ALDH2: variants seen among roughly 807,000 people sequenced by gnomAD.
ALDH2 encodes aldehyde dehydrogenase 2 family member.
Under a neutral mutation model 59.6 loss-of-function variants are expected in ALDH2, and 44 were observed. That is an observed-to-expected ratio of 0.74 (90% CI 0.58 to 0.95). The LOEUF is 0.95. Among genes scored for constraint, ALDH2 ranks in the 40% least tolerant of loss-of-function variants. The pLI is 0.00. For missense variants in ALDH2, 570 were observed against 696.3 expected (o/e 0.82, Z 2.04); for synonymous variants, 291 against 284.0 (o/e 1.02, Z -0.25).
At chr12:111,775,648 A>C (rs1396666044) in intron 1 of ALDH2, 1 of 455,910 alleles carries the variant, frequency 2.2e-6, no homozygotes, top group South Asian at 1.5e-5. Context: ...GTGCTTCTGG[A>C]AACTATAAAG....
intron 11 of ALDH2, among the ~76,000 whole-genome samples, chr12:111,802,919 G>A (rs1438736364): frequency 6.0e-5 from 9 of 148,996 alleles, no homozygotes; most frequent in South Asian, 2.1e-4. Context: ...TAGGCCAAGC[G>A]TGGTGGCTCA....
At chr12:111,805,892 A>G (rs2068489770) in intron 12 of ALDH2, among the ~76,000 whole-genome samples, 1 of 151,602 alleles carries the variant, frequency 6.6e-6, no homozygotes, top group Non-Finnish European at 1.5e-5. Flanking sequence ...GCGTGGCGGC[A>G]CATGCCTGTA....
intron 12 of ALDH2, among the ~76,000 whole-genome samples, chr12:111,805,348 T>C (rs1170156305): frequency 6.6e-6 from 1 of 152,080 alleles, no homozygotes; most frequent in Non-Finnish European, 1.5e-5. Context: ...TGAGCAGGCC[T>C]TTCCAGGATT....
chr12:111,781,990 G>A lies in ALDH2; in HGVS notation c.187G>A (p.Glu63Lys). 8 of 1,614,010 alleles carry A rather than the reference G, an allele frequency of 5.0e-6. No individual in the cohort carries two copies. The highest frequency in any genetic ancestry group is 6.8e-6 in the Non-Finnish European group (8 of 1,179,914). Reference sequence around the variant, plus strand: ...CCCCACCGTCAATCCGTCCACTGGAGAGGTCATCTGTCAGGTAGCTGAAGG... The same window carrying A: ...CCCCACCGTCAATCCGTCCACTGGAAAGGTCATCTGTCAGGTAGCTGAAGG... ...TFPTVNPSTG[E>K]VICQVAEGDK... The change falls in exon 2 of 13, where the codon GAG becomes AAG. Residue 63 changes from glutamate (E) to lysine (K), a missense_variant. Transcript: ENST00000261733.
chr12:111,799,862 GC>G (rs2068435088), intron 10 of ALDH2, 43 bp from the exon 11 acceptor site: 1 of 1,582,520 alleles, frequency 6.3e-7, no homozygotes, highest in Admixed American at 1.7e-5. Context: ...GATGGCAGGT[GC>G]CTCCGTGTTG....
At chr12:111,771,387 T>G (rs2068198777) in intron 1 of ALDH2, among the ~76,000 whole-genome samples, 1 of 152,128 alleles carries the variant, frequency 6.6e-6, no homozygotes, top group South Asian at 2.1e-4. Flanking sequence ...ACACTGCAAG[T>G]ATACATAGGC....
rs930146558 is a variant in ALDH2 at position 111,766,968 on chromosome 12, C to A, written c.-15C>A. 21 of 1,519,698 alleles carry A rather than the reference C, an allele frequency of 1.4e-5. No individual in the cohort carries two copies. Among genetic ancestry groups the A allele is most frequent in the Non-Finnish European group, 1.8e-5 (20 of 1,140,224 alleles). 94.1% of individuals were successfully genotyped at this position (1,519,698 alleles called of 1,614,324 possible). ...CTCTGCTCTCGGTCCGCTCGCTGTC[C>A]GCTAGCCCGCTGCGATGTTGCGCGC... On this transcript the variant is annotated 5_prime_UTR_variant, in exon 1 of 13. Transcript: ENST00000261733.
At position 111,783,188 on chromosome 12, in the gene ALDH2, C is replaced by G. The variant is rs760971491; in HGVS notation, c.250C>G (p.Arg84Gly). ...TGTGGACAAGGCAGTGAAGGCCGCC[C>G]GGGCCGCCTTCCAGCTGGGCTCACC... ...EDVDKAVKAA[R>G]AAFQLGSPWR... Residue 84 changes from arginine (R) to glycine (G), a missense_variant, in exon 3 of 13, where the codon CGG becomes GGG. Physicochemically the swap from Arg to Gly is moderately radical, Grantham distance 125 (BLOSUM62 -2). Transcript: ENST00000261733. 2.5e-6 allele frequency: 4 copies of G among 1,613,042 alleles called. No individual in the cohort carries two copies. The highest frequency in any genetic ancestry group is 1.1e-5 in the South Asian group (1 of 90,924).
intron 1 of ALDH2, among the ~76,000 whole-genome samples, chr12:111,776,620 C>T (rs913357336): frequency 2.0e-5 from 3 of 152,002 alleles, no homozygotes; most frequent in African/African-American, 7.2e-5. Flanking sequence ...AAAAATCCCA[C>T]CTTTATTTAA....
intron 11 of ALDH2, 32 bp downstream of exon 11, chr12:111,800,095 A>T: frequency 1.3e-6 from 2 of 1,581,866 alleles, no homozygotes; most frequent in Admixed American, 3.5e-5. Flanking sequence ...CTCACAACCC[A>T]ACAGAGATTC....
chr12:111,806,669 A>G (rs1169458532), intron 12 of ALDH2, among the ~76,000 whole-genome samples: 1 of 152,218 alleles, frequency 6.6e-6, no homozygotes, highest in African/African-American at 2.4e-5. Context: ...TATGCAAAGA[A>G]TAGGTATAAT....
chr12:111,789,579 A>G (rs1433137778), intron 4 of ALDH2, among the ~76,000 whole-genome samples: 1 of 151,960 alleles, frequency 6.6e-6, no homozygotes, highest in African/African-American at 2.4e-5. Flanking sequence ...AGTAGATTGG[A>G]AATGGACTCC....
chr12:111,791,694 A>G (rs1314985828), intron 7 of ALDH2, among the ~76,000 whole-genome samples: 1 of 152,130 alleles, frequency 6.6e-6, no homozygotes, highest in Admixed American at 6.5e-5. Context: ...GCTTGCCCCA[A>G]ATCAAAGCAT....
chr12:111,802,940 C>G (rs2068466181), intron 11 of ALDH2, among the ~76,000 whole-genome samples: 1 of 150,874 alleles, frequency 6.6e-6, no homozygotes, highest in Non-Finnish European at 1.5e-5. Context: ...CACCTGTAAT[C>G]CCAGCATTTT....
At chr12:111,772,029 G>A (rs1206088335) in intron 1 of ALDH2, among the ~76,000 whole-genome samples, 2 of 151,852 alleles carry the variant, frequency 1.3e-5, no homozygotes, top group Non-Finnish European at 2.9e-5. Flanking sequence ...AACCCGGGAG[G>A]CAGAGGTTGC....
At chr12:111,795,714 C>A (rs563967924) in intron 9 of ALDH2, among the ~76,000 whole-genome samples, 21 of 151,082 alleles carry the variant, frequency 1.4e-4, no homozygotes, top group Middle Eastern at 7.0e-3. Context: ...GCCTCAGTCT[C>A]CCGAGTAGCT....
At chr12:111,795,864 T>C (rs895518869) in intron 9 of ALDH2, among the ~76,000 whole-genome samples, 2 of 152,144 alleles carry the variant, frequency 1.3e-5, no homozygotes, top group Non-Finnish European at 2.9e-5. Context: ...GTGCTGAGAT[T>C]ACAGGCTTGA....
chr12:111,788,985 A>G (rs145790749), intron 4 of ALDH2, among the ~76,000 whole-genome samples: 11 of 151,522 alleles, frequency 7.3e-5, no homozygotes, highest in African/African-American at 2.7e-4. Context: ...AGCCTGGGCA[A>G]CTGAGCAAGA....
At chr12:111,779,862 A>G (rs2068259675) in intron 1 of ALDH2, among the ~76,000 whole-genome samples, 1 of 152,220 alleles carries the variant, frequency 6.6e-6, no homozygotes, top group African/African-American at 2.4e-5. Context: ...CCTGGAAAGC[A>G]GAGGGCGAAC....
Sources: allele counts gnomAD v4.1 joint callset (sites outside exome capture counted in the v4.1 genomes callset), GRCh38; gene constraint gnomAD v4.1.1; transcripts MANE v1.5; gene names NCBI Gene and HGNC (gene_info 2026-07-23, HGNC 2026-07-21).